DENND1A: variants seen among roughly 807,000 people sequenced by gnomAD.
The protein encoded by DENND1A is DENN domain-containing protein 1A.
Under a neutral mutation model 113.7 loss-of-function variants are expected in DENND1A, and 51 were observed. That is an observed-to-expected ratio of 0.45 (90% confidence interval 0.36 to 0.57). DENND1A has a LOEUF of 0.57. DENND1A is among the 20% of genes least tolerant of loss of function. DENND1A has a pLI of 0.00. For missense variants in DENND1A, 1,258 were observed against 1,395.9 expected (o/e 0.90, Z 1.57); for synonymous variants, 565 against 570.8 (o/e 0.99, Z 0.14).
At chr9:123,519,039 C>T (rs1170078043) in intron 13 of DENND1A, among the ~76,000 whole-genome samples, 9 of 152,158 alleles carry the variant, frequency 5.9e-5, no homozygotes, top group Non-Finnish European at 1.3e-4. Context: ...CCGTTCCCTT[C>T]GGTCCCTCCT....
intron 13 of DENND1A, among the ~76,000 whole-genome samples, chr9:123,499,612 T>C (rs1283509001): frequency 6.6e-6 from 1 of 152,208 alleles, no homozygotes; most frequent in Non-Finnish European, 1.5e-5. Context: ...ATTAAAAACT[T>C]ACCAAGGACA....
intron 1 of DENND1A, among the ~76,000 whole-genome samples, chr9:123,910,890 C>A (rs889294198): frequency 6.6e-6 from 1 of 152,152 alleles, no homozygotes; most frequent in Non-Finnish European, 1.5e-5. Context: ...TTGCAGTGAG[C>A]CTAGATGAAG....
intron 18 of DENND1A, among the ~76,000 whole-genome samples, chr9:123,442,354 C>G (rs1227015985): frequency 6.6e-6 from 1 of 152,042 alleles, no homozygotes; most frequent in Non-Finnish European, 1.5e-5. Flanking sequence ...AAGAGGCTGT[C>G]GATGGCCAAA....
intron 10 of DENND1A, among the ~76,000 whole-genome samples, chr9:123,612,610 T>TAA (rs1422772048): frequency 1.3e-5 from 2 of 152,230 alleles, no homozygotes; most frequent in Non-Finnish European, 2.9e-5. Context: ...GACTGCATAA[T>TAA]ATTCCACCAA....
At chr9:123,872,692 AAC>A (rs930877257) in intron 2 of DENND1A, among the ~76,000 whole-genome samples, 25 of 152,324 alleles carry the variant, frequency 1.6e-4, no homozygotes, top group African/African-American at 5.8e-4. Context: ...AATGGAAAAA[AAC>A]ACACACACCA....
rs113557383 is a variant in DENND1A, at chr9:123,616,831, G to T, written c.720-7350C>A. Reference sequence around the variant, plus strand: ...AGTCAACAGGTATCACTAATATCAGGCACCATGCTGGCCTGGGGCAAGAGG... The same window carrying T: ...AGTCAACAGGTATCACTAATATCAGTCACCATGCTGGCCTGGGGCAAGAGG... On this transcript the variant is annotated intron_variant, in intron 10 of 23. Coordinates refer to ENST00000394215, the MANE Select transcript of DENND1A (RefSeq NM_001352964.2). Among the ~76,000 whole-genome samples the T allele has an allele frequency of 7.2e-5, 11 of 152,346 alleles. 1 individual carries two copies. The highest frequency in any genetic ancestry group is 2.6e-4 in the African/African-American group (11 of 41,580).
intron 12 of DENND1A, among the ~76,000 whole-genome samples, chr9:123,578,361 T>C (rs2058724567): frequency 6.6e-6 from 1 of 152,208 alleles, no homozygotes; most frequent in Admixed American, 6.5e-5. Context: ...AAACAGCTGT[T>C]TTCATATTTG....
intron 10 of DENND1A, among the ~76,000 whole-genome samples, chr9:123,613,787 T>G (rs2060520780): frequency 6.6e-6 from 1 of 152,246 alleles, no homozygotes; most frequent in South Asian, 2.1e-4. Flanking sequence ...GCTGTATGAC[T>G]GACAGTGATT....
At chr9:123,503,456 C>G (rs553891208) in intron 13 of DENND1A, among the ~76,000 whole-genome samples, 4 of 152,298 alleles carry the variant, frequency 2.6e-5, no homozygotes, top group South Asian at 2.1e-4. Flanking sequence ...AACACTCAGC[C>G]CATTTCTGTA....
intron 22 of DENND1A, 140 bp from the exon 23 acceptor site, chr9:123,384,053 G>T: frequency 8.6e-7 from 1 of 1,163,512 alleles, no homozygotes; most frequent in Non-Finnish European, 1.2e-6. Context: ...GGGTCTCCGT[G>T]AGGGCAGGAG....
intron 1 of DENND1A, among the ~76,000 whole-genome samples, chr9:123,911,252 AAT>A (rs1853899137): frequency 1.3e-5 from 2 of 152,376 alleles, no homozygotes; most frequent in East Asian, 3.9e-4. Flanking sequence ...AATGGCTAAT[AAT>A]ATGGCTAAAA....
At chr9:123,412,110 G>C (rs1180346487) in intron 19 of DENND1A, among the ~76,000 whole-genome samples, 1 of 152,196 alleles carries the variant, frequency 6.6e-6, no homozygotes, top group Non-Finnish European at 1.5e-5. Context: ...GCCCTTCCCA[G>C]GTGCAATAGG....
intron 13 of DENND1A, among the ~76,000 whole-genome samples, chr9:123,507,562 C>CT (rs1257523485): frequency 6.6e-6 from 1 of 151,798 alleles, no homozygotes; most frequent in Non-Finnish European, 1.5e-5. Flanking sequence ...ATAAGAATTA[C>CT]TTTTTGCTGG....
At chr9:123,591,372 T>C (rs1001472012) in intron 11 of DENND1A, among the ~76,000 whole-genome samples, 2 of 152,208 alleles carry the variant, frequency 1.3e-5, no homozygotes, top group African/African-American at 4.8e-5. Flanking sequence ...GGGTGTGCAC[T>C]GGCAATGTCA....
chr9:123,790,047 T>C (rs919298274), intron 3 of DENND1A, among the ~76,000 whole-genome samples: 3 of 151,970 alleles, frequency 2.0e-5, no homozygotes, highest in African/African-American at 4.8e-5. Context: ...TTGTGGTGAA[T>C]TATCTCAAAT....
intron 2 of DENND1A, among the ~76,000 whole-genome samples, chr9:123,871,309 C>G (rs1846567314): frequency 6.6e-6 from 1 of 152,130 alleles, no homozygotes; most frequent in Non-Finnish European, 1.5e-5. Flanking sequence ...GTCTTAAACT[C>G]CTGAGCTCCA....
intron 21 of DENND1A, chr9:123,400,603 CAG>C (rs2043384328): frequency 6.6e-6 from 1 of 152,174 alleles, no homozygotes; most frequent in African/African-American, 2.4e-5. Flanking sequence ...ATTTTTGAGA[CAG>C]AGTCTCACTC....
intron 13 of DENND1A, among the ~76,000 whole-genome samples, chr9:123,471,010 G>T (rs1404900209): frequency 6.6e-6 from 1 of 152,144 alleles, no homozygotes; most frequent in African/African-American, 2.4e-5. Flanking sequence ...ACTTGGTCTG[G>T]ATTCCTTTTC....
intron 5 of DENND1A, among the ~76,000 whole-genome samples, chr9:123,679,522 C>G (rs1028675576): frequency 6.6e-6 from 1 of 152,190 alleles, no homozygotes; most frequent in Non-Finnish European, 1.5e-5. Flanking sequence ...TTGGCCTGAC[C>G]GGACACAACT....
Sources: allele counts gnomAD v4.1 joint callset (sites outside exome capture counted in the v4.1 genomes callset), GRCh38; gene constraint gnomAD v4.1.1; transcripts MANE v1.5; gene names NCBI Gene and HGNC (gene_info 2026-07-23, HGNC 2026-07-21).